The following BCOR variants were observed in gnomAD, a reference collection of about 807,000 sequenced individuals.
BCOR encodes the protein BCL6 corepressor.
Under a neutral mutation model 86.7 loss-of-function variants are expected in BCOR, and 10 were observed. The ratio of observed to expected loss-of-function variants is 0.12; its 90% CI spans 0.07 to 0.20. The LOEUF (loss-of-function observed/expected upper bound fraction) is 0.20, where lower values mean the gene tolerates loss of function less well. Among genes scored for constraint, BCOR ranks in the 10% least tolerant of loss-of-function variants. BCOR has a pLI of 1.00. For synonymous variants in BCOR, 611 were observed against 609.0 expected (o/e 1.00, Z -0.05); for missense variants, 1,259 against 1,452.1 (o/e 0.87, Z 2.16).
At chrX:40,078,824 AC>A (rs1184405455) in intron 1 of BCOR, among the ~76,000 whole-genome samples, 4 of 65,625 alleles carry the variant, frequency 6.1e-5, no homozygotes, top group African/African-American at 2.4e-4. Context: ...ACCACCACCC[AC>A]CCCCCTTTAC....
chrX:40,108,291 C>G (rs904904064), intron 1 of BCOR, among the ~76,000 whole-genome samples: 1 of 113,047 alleles, frequency 8.8e-6, no homozygotes, highest in African/African-American at 3.2e-5. Context: ...TCCTTCCCGT[C>G]GGCAGCGTGG....
At chrX:40,109,783 C>T (rs2047512314) in intron 1 of BCOR, among the ~76,000 whole-genome samples, 2 of 112,963 alleles carry the variant, frequency 1.8e-5, no homozygotes, top group Admixed American at 9.2e-5. Context: ...CTGCGGGAGC[C>T]CGGGAGGGCT....
chrX:40,098,579 C>G (rs2147766924), upstream of BCOR, among the ~76,000 whole-genome samples: 1 of 111,512 alleles, frequency 9.0e-6, no homozygotes, highest in South Asian at 3.8e-4. Flanking sequence ...TCCGCTCAGC[C>G]AAAGCTGTCA....
intron 4 of BCOR, chrX:40,071,903 T>C: frequency 7.4e-6 from 3 of 405,644 alleles, no homozygotes; most frequent in East Asian, 8.0e-5. Flanking sequence ...GCAACCTTTT[T>C]TCTTTTTTTT....
intron 1 of BCOR, among the ~76,000 whole-genome samples, chrX:40,086,751 C>A (rs1171058235): frequency 8.8e-6 from 1 of 113,669 alleles, no homozygotes; most frequent in African/African-American, 3.2e-5. Context: ...TCACATTCCC[C>A]CCTTACCACA....
At chrX:40,059,745 C>A (rs781046219) in intron 10 of BCOR, among the ~76,000 whole-genome samples, 1 of 113,014 alleles carries the variant, frequency 8.8e-6, no homozygotes, top group South Asian at 3.6e-4. Flanking sequence ...TGACATTAAC[C>A]GCAAAATGTA....
At chrX:40,094,746 G>A (rs985574695) in intron 1 of BCOR, among the ~76,000 whole-genome samples, 1 of 112,560 alleles carries the variant, frequency 8.9e-6, no homozygotes, top group Non-Finnish European at 1.9e-5. Flanking sequence ...GCGCCGCCCC[G>A]CGAAGTTACA....
At chrX:40,088,310 C>T (rs762744225) in intron 1 of BCOR, among the ~76,000 whole-genome samples, 1 of 112,620 alleles carries the variant, frequency 8.9e-6, no homozygotes, top group African/African-American at 3.2e-5. Context: ...TAAAATCGTG[C>T]GCTAAAATCG....
At chrX:40,066,929 C>G (rs1352745327) in intron 6 of BCOR, among the ~76,000 whole-genome samples, 4 of 97,362 alleles carry the variant, frequency 4.1e-5, no homozygotes, top group South Asian at 6.0e-4. Context: ...ACACCCCCCC[C>G]CCCCCATCAA....
chrX:40,063,111 A>G, intron 8 of BCOR, 40 bp from the exon 9 acceptor site: 1 of 962,903 alleles, frequency 1.0e-6, no homozygotes. Flanking sequence ...GGCGGATGGG[A>G]GACGGGAGAA....
intron 5 of BCOR, 30 bp downstream of exon 5, chrX:40,071,607 A>AT: frequency 9.2e-7 from 1 of 1,087,262 alleles, no homozygotes; most frequent in African/African-American, 1.8e-5. Flanking sequence ...TTTATGTAAG[A>AT]TTCTAGTAAT....
At chrX:40,175,374 C>T (rs371073557) in intron 1 of BCOR, among the ~76,000 whole-genome samples, 1 of 113,521 alleles carries the variant, frequency 8.8e-6, no homozygotes, top group African/African-American at 3.2e-5. Flanking sequence ...GCGCGATCCT[C>T]TCTCCTTCGG....
intron 1 of BCOR, among the ~76,000 whole-genome samples, chrX:40,165,986 G>C (rs1938502161): frequency 1.8e-5 from 2 of 111,700 alleles, no homozygotes; most frequent in Admixed American, 1.9e-4. Context: ...TCTTCCTGGT[G>C]CTTCACCTGC....
intron 1 of BCOR, among the ~76,000 whole-genome samples, chrX:40,103,026 T>G (rs898816340): frequency 3.6e-5 from 4 of 110,323 alleles, no homozygotes; most frequent in Non-Finnish European, 7.6e-5. Flanking sequence ...CTCTCGGTGC[T>G]CATCCTCCTC....
At chrX:40,128,760 TA>T (rs1242206878) in intron 1 of BCOR, among the ~76,000 whole-genome samples, 13 of 111,165 alleles carry the variant, frequency 1.2e-4, no homozygotes, top group Non-Finnish European at 2.3e-4. Flanking sequence ...TGGCTTTTTG[TA>T]AAAAACTATG....
chrX:40,149,141 C>T (rs1011439330), intron 1 of BCOR, among the ~76,000 whole-genome samples: 1 of 108,676 alleles, frequency 9.2e-6, no homozygotes, highest in Admixed American at 1.0e-4. Flanking sequence ...TTTCAGAGAT[C>T]TCGTATCCTC....
intron 1 of BCOR, among the ~76,000 whole-genome samples, chrX:40,153,670 G>A (rs1024154113): frequency 5.4e-5 from 6 of 111,299 alleles, no homozygotes; most frequent in African/African-American, 2.0e-4. Flanking sequence ...TCCTCGCTCC[G>A]AAAAGCCCCG....
chrX:40,173,602 T>TTG (rs1340053478), intron 1 of BCOR, among the ~76,000 whole-genome samples: 2 of 111,927 alleles, frequency 1.8e-5, no homozygotes, highest in Non-Finnish European at 3.8e-5. Context: ...CCATAAAGGC[T>TTG]TGTGTGTGTG....
intron 1 of BCOR, among the ~76,000 whole-genome samples, chrX:40,123,836 T>G (rs926464844): frequency 6.1e-4 from 67 of 109,358 alleles, no homozygotes; most frequent in African/African-American, 2.2e-3. Context: ...CGCGCACGCA[T>G]AAGAGGGTTC....
Sources: allele counts gnomAD v4.1 joint callset (sites outside exome capture counted in the v4.1 genomes callset), GRCh38; gene constraint gnomAD v4.1.1; transcripts MANE v1.5; gene names NCBI Gene and HGNC (gene_info 2026-07-23, HGNC 2026-07-21).